MYT1L: variants seen among roughly 807,000 people sequenced by gnomAD.
MYT1L encodes myelin transcription factor 1-like protein.
A neutral mutation model predicts 126.7 loss-of-function variants in MYT1L; 12 were observed. The observed-to-expected ratio is 0.09, with a 90% CI of 0.06 to 0.15. MYT1L has a LOEUF of 0.15. Among genes scored for constraint, MYT1L ranks in the 10% least tolerant of loss-of-function variants. The pLI is 1.00. For missense variants in MYT1L, 979 were observed against 1,585.2 expected (o/e 0.62, Z 6.49); for synonymous variants, 541 against 604.2 (o/e 0.90, Z 1.53).
At chr2:2,152,014 C>T (rs1443714498) in intron 3 of MYT1L, among the ~76,000 whole-genome samples, 1 of 152,202 alleles carries the variant, frequency 6.6e-6, no homozygotes, top group African/African-American at 2.4e-5. Context: ...CGAGATCGCG[C>T]CACCACACTC....
At chr2:2,144,382 G>C (rs2084543964) in intron 3 of MYT1L, among the ~76,000 whole-genome samples, 1 of 152,194 alleles carries the variant, frequency 6.6e-6, no homozygotes, top group Admixed American at 6.5e-5. Flanking sequence ...TTGGCCATCT[G>C]TATGGCTCAC....
chr2:2,069,807 T>C (rs2074368002), intron 3 of MYT1L, among the ~76,000 whole-genome samples: 1 of 151,958 alleles, frequency 6.6e-6, no homozygotes, highest in South Asian at 2.1e-4. Context: ...TTGATTTGCC[T>C]TTCTCTAATG....
At chr2:1,866,247 A>G (rs899236467) in intron 18 of MYT1L, among the ~76,000 whole-genome samples, 3 of 152,134 alleles carry the variant, frequency 2.0e-5, no homozygotes, top group African/African-American at 4.8e-5. Flanking sequence ...CAGAGGTCAG[A>G]GCTAGGCAGA....
intron 8 of MYT1L, among the ~76,000 whole-genome samples, chr2:1,969,576 T>C (rs1207293354): frequency 6.6e-6 from 1 of 152,186 alleles, no homozygotes; most frequent in African/African-American, 2.4e-5. Context: ...GAACCCCGGC[T>C]CTAGGAAGGC....
chr2:1,930,996 G>C (rs1335148016), intron 9 of MYT1L, among the ~76,000 whole-genome samples: 2 of 152,214 alleles, frequency 1.3e-5, no homozygotes, highest in Non-Finnish European at 2.9e-5. Context: ...TGGTTTATGT[G>C]CTGCATTTTG....
At chr2:2,107,979 A>G (rs1249552979) in intron 3 of MYT1L, among the ~76,000 whole-genome samples, 1 of 152,226 alleles carries the variant, frequency 6.6e-6, no homozygotes, top group African/African-American at 2.4e-5. Flanking sequence ...GAAGTTCATT[A>G]GAGTCAATAT....
intron 2 of MYT1L, among the ~76,000 whole-genome samples, chr2:2,236,898 C>A (rs1034794198): frequency 2.6e-5 from 4 of 151,328 alleles, no homozygotes; most frequent in African/African-American, 9.7e-5. Context: ...ACTGTAACCT[C>A]TGCCTTCCAG....
chr2:1,816,421 C>T (rs577570699), intron 21 of MYT1L: 13 of 152,748 alleles, frequency 8.5e-5, no homozygotes, highest in South Asian at 4.1e-4. Flanking sequence ...CTTTGGGCCC[C>T]GGTGGGCACC....
In MYT1L at chr2:2,246,893, T is replaced by C. The variant is rs137950696; in HGVS notation, c.-421+37511A>G. 6.7e-4 allele frequency among the ~76,000 whole-genome samples: 102 copies of C among 152,332 alleles called. 1 individual carries two copies. The East Asian group carries it at 0.02, about 29-fold the overall frequency. ...AACATGGGGTGAGAAGCCTAACATG[T>C]AGCCCACAGAGCATGGAGGCTGAGT... On this transcript the variant is annotated intron_variant, in intron 2 of 24. Coordinates refer to ENST00000647738, the MANE Select transcript of MYT1L (RefSeq NM_001303052.2).
chr2:1,911,506 T>G (rs2149027648), intron 12 of MYT1L, among the ~76,000 whole-genome samples: 1 of 152,286 alleles, frequency 6.6e-6, no homozygotes, highest in South Asian at 2.1e-4. Flanking sequence ...CTGAGTCCAT[T>G]GGTTAGCAGG....
intron 8 of MYT1L, among the ~76,000 whole-genome samples, chr2:1,958,903 A>G (rs776228229): frequency 2.6e-5 from 4 of 152,220 alleles, no homozygotes; most frequent in Admixed American, 2.6e-4. Context: ...CCCTCATTCT[A>G]GGATTCTCTG....
intron 2 of MYT1L, among the ~76,000 whole-genome samples, chr2:2,281,687 C>A (rs908761054): frequency 3.9e-5 from 6 of 152,254 alleles, no homozygotes; most frequent in African/African-American, 1.4e-4. Flanking sequence ...GCCCATAGAA[C>A]CTAGAACATG....
intron 2 of MYT1L, among the ~76,000 whole-genome samples, chr2:2,247,241 T>C (rs985123799): frequency 4.6e-5 from 7 of 152,062 alleles, no homozygotes; most frequent in African/African-American, 1.7e-4. Flanking sequence ...GCTATACTTA[T>C]GTAAGACAAA....
chr2:2,274,187 G>T lies in MYT1L; in HGVS notation c.-421+10217C>A, dbSNP rs181226126. On this transcript the variant is annotated intron_variant, in intron 2 of 24. Coordinates refer to ENST00000647738, the MANE Select transcript of MYT1L (RefSeq NM_001303052.2). ...GAAATGATAAATATTTGAGGTGATG[G>T]TTATCCAATATCCTGATATGATCAT... 1.2e-4 allele frequency among the ~76,000 whole-genome samples: 18 copies of T among 152,224 alleles called. No individual in the cohort carries two copies. The East Asian group carries it at 2.7e-3, about 23-fold the overall frequency.
Position 2,183,107 on chromosome 2 carries a change from C to T in MYT1L, c.-420-10119G>A, listed in dbSNP as rs146079548. Among the ~76,000 whole-genome samples, 599 of 152,236 alleles carry T rather than the reference C, an allele frequency of 3.9e-3. 4 individuals are homozygous for T. The highest frequency in any genetic ancestry group is 0.014 in the African/African-American group (571 of 41,540). On this transcript the variant is annotated intron_variant, in intron 2 of 24. Transcript: ENST00000647738. Reference sequence around the variant, plus strand: ...ATCTCCTGGACAGAAAACAGTAACACAAAAAGCATGGAGCAGTTGGAGGGA... The same window carrying T: ...ATCTCCTGGACAGAAAACAGTAACATAAAAAGCATGGAGCAGTTGGAGGGA...
At chr2:1,856,753 A>G (rs1204169375) in intron 18 of MYT1L, among the ~76,000 whole-genome samples, 1 of 152,262 alleles carries the variant, frequency 6.6e-6, no homozygotes, top group Non-Finnish European at 1.5e-5. Context: ...AGGCATTGAA[A>G]GCACGACATG....
At chr2:1,895,782 T>C (rs1322308646) in intron 14 of MYT1L, among the ~76,000 whole-genome samples, 1 of 152,142 alleles carries the variant, frequency 6.6e-6, no homozygotes, top group Non-Finnish European at 1.5e-5. Flanking sequence ...CCTTGGCAAA[T>C]ATTTTTTTTG....
intron 2 of MYT1L, among the ~76,000 whole-genome samples, chr2:2,271,776 A>G (rs1038999408): frequency 6.6e-6 from 1 of 152,178 alleles, no homozygotes; most frequent in African/African-American, 2.4e-5. Context: ...CAAAAATGCC[A>G]GCTCCCTGGA....
intron 2 of MYT1L, among the ~76,000 whole-genome samples, chr2:2,217,691 C>CA (rs1375307498): frequency 1.4e-5 from 1 of 70,538 alleles, no homozygotes; most frequent in African/African-American, 7.5e-5. Flanking sequence ...ACAACAACAA[C>CA]AACAACAACA....
Sources: gnomAD v4.1 joint callset for allele counts (sites outside exome capture counted in the v4.1 genomes callset) on GRCh38, gnomAD v4.1.1 for gene constraint, MANE v1.5 for transcripts, NCBI Gene and HGNC (gene_info 2026-07-23, HGNC 2026-07-21) for gene names.